The following DOCK2 variants were observed in gnomAD, a reference collection of about 807,000 sequenced individuals.
DOCK2 encodes the protein dedicator of cytokinesis 2.
Under a neutral mutation model 248.9 loss-of-function variants are expected in DOCK2, and 87 were observed. The observed-to-expected ratio is 0.35, with a 90% CI of 0.29 to 0.42. The LOEUF is 0.42. Among genes scored for constraint, DOCK2 ranks in the 10% least tolerant of loss-of-function variants. DOCK2 has a pLI of 1.00. For missense variants in DOCK2, 1,747 were observed against 2,300.2 expected (o/e 0.76, Z 4.92); for synonymous variants, 805 against 821.6 (o/e 0.98, Z 0.35).
intron 2 of DOCK2, among the ~76,000 whole-genome samples, chr5:169,666,958 G>T (rs1758769027): frequency 6.6e-6 from 1 of 152,218 alleles, no homozygotes; most frequent in Admixed American, 6.5e-5. Context: ...GGGTGTAAGT[G>T]TCAGCAGAAT....
intron 27 of DOCK2, among the ~76,000 whole-genome samples, chr5:169,949,751 G>T (rs1436180237): frequency 6.8e-6 from 1 of 147,000 alleles, no homozygotes; most frequent in Non-Finnish European, 1.5e-5. Context: ...ACACAGAGGT[G>T]TAGCATTTCA....
chr5:169,668,367 A>G (rs1758849827), intron 2 of DOCK2, among the ~76,000 whole-genome samples: 1 of 151,978 alleles, frequency 6.6e-6, no homozygotes, highest in African/African-American at 2.4e-5. Flanking sequence ...GTTGCTTCAG[A>G]GTTTCCTTTA....
chr5:169,779,101 T>A (rs984765777), intron 25 of DOCK2, among the ~76,000 whole-genome samples: 39 of 152,106 alleles, frequency 2.6e-4, no homozygotes, highest in African/African-American at 9.4e-4. Context: ...CTAAAGCTGC[T>A]CTTTAAACAA....
At chr5:169,907,566 C>A (rs997280091) in intron 27 of DOCK2, among the ~76,000 whole-genome samples, 3 of 152,216 alleles carry the variant, frequency 2.0e-5, no homozygotes, top group Non-Finnish European at 2.9e-5. Context: ...GCTTTACAGG[C>A]ATTATCTAAT....
rs201994696 is a variant in DOCK2, at chr5:170,069,230, C to T, written c.4728+10C>T. The T allele has an allele frequency of 7.4e-5, 119 of 1,613,152 alleles. No individual in the cohort carries two copies. Among genetic ancestry groups the T allele is most frequent in the East Asian group, 5.4e-4 (24 of 44,838 alleles). The stretch of plus-strand genomic sequence containing the variant: ...CCTGATTGCATGGCAGGTGAGGCAG[C>T]GCTGGCCAGGGGAGCATGCTGCTCT... On this transcript the variant is annotated intron_variant, in intron 46 of 51. Transcript: ENST00000520908.
chr5:169,998,942 C>T (rs922293937), intron 30 of DOCK2, among the ~76,000 whole-genome samples: 53 of 152,256 alleles, frequency 3.5e-4, no homozygotes, highest in African/African-American at 1.2e-3. Context: ...GAAGTTTCTG[C>T]TTTTTGGGAG....
rs571830689 is a variant in DOCK2, at chr5:170,049,702, T to C, written c.4072-554T>C. Among the ~76,000 whole-genome samples, 3 of 152,290 alleles carry C rather than the reference T, an allele frequency of 2.0e-5. No homozygotes were observed. In the East Asian group the frequency reaches 5.8e-4, roughly 29 times the overall value. On this transcript the variant is annotated intron_variant, in intron 40 of 51. Coordinates refer to ENST00000520908, the MANE Select transcript of DOCK2 (RefSeq NM_004946.3). Reference sequence around the variant, plus strand: ...TTCTAGTAGCATCCCCCATTCCCAGTTGTGACAACCAAAAAACGTTTCCAG... The same window carrying C: ...TTCTAGTAGCATCCCCCATTCCCAGCTGTGACAACCAAAAAACGTTTCCAG...
intron 27 of DOCK2, among the ~76,000 whole-genome samples, chr5:169,962,938 G>C (rs1777150848): frequency 6.6e-6 from 1 of 152,272 alleles, no homozygotes; most frequent in South Asian, 2.1e-4. Flanking sequence ...CCCTAGGCCA[G>C]GTATAGGATG....
chr5:169,669,027 G>A (rs974454118), intron 2 of DOCK2, among the ~76,000 whole-genome samples: 2 of 152,058 alleles, frequency 1.3e-5, no homozygotes, highest in African/African-American at 4.8e-5. Context: ...GGGAGCACTG[G>A]CCAGCACTAC....
At chr5:170,046,118 G>A (rs1055608239) in intron 39 of DOCK2, among the ~76,000 whole-genome samples, 1 of 152,200 alleles carries the variant, frequency 6.6e-6, no homozygotes, top group African/African-American at 2.4e-5. Context: ...ATGCTTCGGT[G>A]ACAGCTCCTC....
intron 41 of DOCK2, among the ~76,000 whole-genome samples, chr5:170,053,123 C>G (rs1484250279): frequency 6.6e-6 from 1 of 152,236 alleles, no homozygotes; most frequent in Non-Finnish European, 1.5e-5. Context: ...ATACATTCAG[C>G]CTGTGGCATA....
chr5:170,009,688 C>T (rs935085383), intron 32 of DOCK2, among the ~76,000 whole-genome samples: 3 of 152,194 alleles, frequency 2.0e-5, no homozygotes, highest in Non-Finnish European at 4.4e-5. Flanking sequence ...CTTCAGACTA[C>T]GCTTCTTGCT....
At chr5:169,986,952 T>C (rs922244789) in intron 29 of DOCK2, among the ~76,000 whole-genome samples, 84 of 152,142 alleles carry the variant, frequency 5.5e-4, no homozygotes, top group Non-Finnish European at 1.9e-4. Context: ...CAGAATTCTC[T>C]GAAGTGGAAG....
At chr5:169,675,206 G>A (rs1759264255) in intron 6 of DOCK2, among the ~76,000 whole-genome samples, 2 of 152,192 alleles carry the variant, frequency 1.3e-5, no homozygotes, top group African/African-American at 4.8e-5. Flanking sequence ...TTAGACCCAG[G>A]CAGTCTGGCT....
chr5:169,807,833 C>CCAAAAAAAAAAAAAA (rs1767483380), intron 26 of DOCK2, among the ~76,000 whole-genome samples: 7 of 24,230 alleles, frequency 2.9e-4, no homozygotes, highest in African/African-American at 6.3e-4. Flanking sequence ...GACTCTGTCT[C>CCAAAAAAAAAAAAAA]AAAAAAAAAA....
At chr5:169,786,905 A>G (rs970225257) in intron 25 of DOCK2, among the ~76,000 whole-genome samples, 1 of 152,246 alleles carries the variant, frequency 6.6e-6, no homozygotes, top group Non-Finnish European at 1.5e-5. Context: ...GACCCTTATC[A>G]AGATACAGTA....
chr5:169,787,778 C>A (rs1477513154), intron 25 of DOCK2, among the ~76,000 whole-genome samples: 3 of 149,888 alleles, frequency 2.0e-5, no homozygotes, highest in Admixed American at 6.7e-5. Flanking sequence ...TCTTTTTCTC[C>A]GTCTTTTTTT....
At chr5:170,024,201 G>A (rs751153750) in intron 33 of DOCK2, among the ~76,000 whole-genome samples, 14 of 152,122 alleles carry the variant, frequency 9.2e-5, no homozygotes, top group Non-Finnish European at 1.3e-4. Context: ...TCGCAGCAGT[G>A]GGGTAAGGAG....
At chr5:169,916,607 A>G (rs765007498) in intron 27 of DOCK2, among the ~76,000 whole-genome samples, 6 of 152,210 alleles carry the variant, frequency 3.9e-5, no homozygotes, top group Non-Finnish European at 7.3e-5. Context: ...AAACAAGTTA[A>G]TATATTTAAA....
Sources: gnomAD v4.1 joint callset for allele counts (sites outside exome capture counted in the v4.1 genomes callset) on GRCh38, gnomAD v4.1.1 for gene constraint, MANE v1.5 for transcripts, NCBI Gene and HGNC (gene_info 2026-07-23, HGNC 2026-07-21) for gene names.